The following COL4A5 variants were observed in gnomAD, a reference collection of about 807,000 sequenced individuals.
COL4A5 encodes collagen alpha-5(IV) chain.
In COL4A5, 26 loss-of-function variants were observed where a neutral mutation model predicts 130.2. That is an observed-to-expected ratio of 0.20 (90% CI 0.15 to 0.28). The LOEUF (loss-of-function observed/expected upper bound fraction) is 0.28, where lower values mean the gene tolerates loss of function less well. Among genes scored for constraint, COL4A5 ranks in the 10% least tolerant of loss-of-function variants. The pLI, the probability that COL4A5 is intolerant of heterozygous loss-of-function variation, is 1.00. For missense variants in COL4A5, 1,131 were observed against 1,344.3 expected (o/e 0.84, Z 2.48); for synonymous variants, 496 against 439.6 (o/e 1.13, Z -1.60).
At chrX:108,680,414 G>T (rs768652297) in intron 44 of COL4A5, among the ~76,000 whole-genome samples, 1 of 111,421 alleles carries the variant, frequency 9.0e-6, no homozygotes, top group Non-Finnish European at 1.9e-5. Context: ...TTAACAATAT[G>T]AACTGTCTCA....
intron 1 of COL4A5, among the ~76,000 whole-genome samples, chrX:108,525,610 T>G (rs924029850): frequency 8.9e-6 from 1 of 111,813 alleles, no homozygotes; most frequent in Non-Finnish European, 1.9e-5. Flanking sequence ...AAGTGAATAT[T>G]TTCTAGTTTA....
At chrX:108,559,897 C>T in intron 3 of COL4A5, among the ~76,000 whole-genome samples, 1 of 111,576 alleles carries the variant, frequency 9.0e-6, no homozygotes. Flanking sequence ...AGCTGTGCAC[C>T]AAGTTTGCTG....
Position 108,578,337 on chromosome X carries a change from G to A in COL4A5, c.734G>A (p.Ser245Asn). The stretch of plus-strand genomic sequence containing the variant: ...CCACCTGGGCCACCTGGGCAGATCA[G>A]TGAACAGAAAAGACCAATTGATGTA... ...QGPPGPPGQI[S>N]EQKRPIDVEF... The change falls in exon 13 of 53, where the codon AGT (serine) becomes AAT (asparagine). Residue 245 changes from serine to asparagine, a missense_variant. Transcript: ENST00000328300. 7.4e-6 allele frequency: 9 copies of A among 1,211,035 alleles called. No individual in the cohort carries two copies. Among genetic ancestry groups the A allele is most frequent in the Non-Finnish European group, 1.0e-5 (9 of 894,861 alleles).
rs952872193 is a variant in COL4A5 at position 108,617,360 on chromosome X, G to A, written c.2509+2336G>A. Among the ~76,000 whole-genome samples, 4 of 111,132 alleles carry A rather than the reference G, an allele frequency of 3.6e-5. No individual in the cohort carries two copies. In the East Asian group the frequency reaches 8.4e-4, roughly 23 times the overall value. On this transcript the variant is annotated intron_variant, in intron 30 of 52. Coordinates refer to ENST00000328300, the MANE Select transcript of COL4A5 (RefSeq NM_033380.3). The stretch of plus-strand genomic sequence containing the variant: ...TTAATATACTTGTATTTCATTTTGC[G>A]ATAGGAAAAATGCAAAATATTCTAT...
chrX:108,489,440 G>A (rs746444784), intron 1 of COL4A5, among the ~76,000 whole-genome samples: 1 of 111,922 alleles, frequency 8.9e-6, no homozygotes, highest in Admixed American at 9.5e-5. Context: ...CTGGTCTGGA[G>A]CTTTGCATAT....
intron 1 of COL4A5, among the ~76,000 whole-genome samples, chrX:108,470,684 A>G (rs1000710284): frequency 1.8e-5 from 2 of 111,476 alleles, no homozygotes; most frequent in African/African-American, 6.5e-5. Context: ...TTTTGTTGCC[A>G]TTGCGTTTGG....
intron 36 of COL4A5, among the ~76,000 whole-genome samples, chrX:108,634,499 A>T (rs971304693): frequency 4.5e-5 from 5 of 111,693 alleles, no homozygotes; most frequent in African/African-American, 1.6e-4. Flanking sequence ...TATAAAGGTT[A>T]ACATGCTGGA....
chrX:108,695,850 G>T (rs1300689114), intron 52 of COL4A5: 1 of 232,392 alleles, frequency 4.3e-6, no homozygotes, highest in Non-Finnish European at 7.7e-6. Context: ...CAAGACATAC[G>T]TAATGTATGT....
chrX:108,531,385 T>TAAATAA lies in COL4A5; in HGVS notation c.82-8358_82-8357insTAAAAA, dbSNP rs1415349416. Among the ~76,000 whole-genome samples the TAAATAA allele has an allele frequency of 2.3e-3, 176 of 75,573 alleles. 1 individual carries two copies. Among genetic ancestry groups the TAAATAA allele is most frequent in the African/African-American group, 7.7e-3 (157 of 20,494 alleles). The allele number at this position is 75,573 out of a possible 115,157, so 65.6% of individuals were successfully genotyped here. A position where few individuals can be genotyped will look rare whatever the true frequency, so the allele number is the denominator to read the frequency against. ...AATAATGAAATAAATAAATAAAAAA[T>TAAATAA]AAAATAAATAAATAAATAAAAATTT... is the stretch of plus-strand genomic sequence containing the variant. On this transcript the variant is annotated intron_variant, in intron 1 of 52. Transcript: ENST00000328300.
chrX:108,446,040 G>A, intron 1 of COL4A5, among the ~76,000 whole-genome samples: 1 of 111,173 alleles, frequency 9.0e-6, no homozygotes, highest in Middle Eastern at 4.6e-3. Flanking sequence ...TGTGAATCAC[G>A]AAACTCTAAG....
At chrX:108,520,457 C>T (rs1319473611) in intron 1 of COL4A5, among the ~76,000 whole-genome samples, 1 of 111,519 alleles carries the variant, frequency 9.0e-6, no homozygotes, top group Non-Finnish European at 1.9e-5. Context: ...AGTTTATTTT[C>T]TTTACATGTT....
chrX:108,547,825 A>T lies in COL4A5; in HGVS notation c.141+8020A>T, dbSNP rs778034656. On this transcript the variant is annotated intron_variant, in intron 2 of 52. Coordinates refer to ENST00000328300, the MANE Select transcript of COL4A5 (RefSeq NM_033380.3). Reference sequence around the variant, plus strand: ...CAGCAATGGCAGACGCCCCTCCCCCAGCCTTGCTGCCACCTTGCAGTTCGA... The same window carrying T: ...CAGCAATGGCAGACGCCCCTCCCCCTGCCTTGCTGCCACCTTGCAGTTCGA... Among the ~76,000 whole-genome samples, 12 of 111,557 alleles carry T rather than the reference A, an allele frequency of 1.1e-4. No homozygotes were observed. In the East Asian group the frequency reaches 3.1e-3, roughly 29 times the overall value.
In COL4A5 at chrX:108,532,259, G is replaced by T. The variant is rs148519713; in HGVS notation, c.82-7487G>T. Among the ~76,000 whole-genome samples the T allele has an allele frequency of 8.7e-3, 974 of 111,504 alleles. 9 individuals carry two copies. Among genetic ancestry groups the T allele is most frequent in the South Asian group, 0.015 (39 of 2,681 alleles). On this transcript the variant is annotated intron_variant, in intron 1 of 52. Coordinates refer to ENST00000328300, the MANE Select transcript of COL4A5 (RefSeq NM_033380.3). ...ACACATGGGTCCATTGGGATTGAAGGCAAGGAAGGCACAACCTTTGCAAAT... is the reference window on the plus strand; with the variant it reads ...ACACATGGGTCCATTGGGATTGAAGTCAAGGAAGGCACAACCTTTGCAAAT...
intron 29 of COL4A5, among the ~76,000 whole-genome samples, chrX:108,610,918 A>G (rs758791877): frequency 8.9e-6 from 1 of 111,833 alleles, no homozygotes; most frequent in South Asian, 3.8e-4. Flanking sequence ...CTGATCTTGA[A>G]GATCTCAAGG....
intron 21 of COL4A5, among the ~76,000 whole-genome samples, chrX:108,592,534 GT>G (rs1244216929): frequency 9.1e-6 from 1 of 110,372 alleles, no homozygotes; most frequent in African/African-American, 3.3e-5. Flanking sequence ...CTCTCCTCTT[GT>G]TTTCTCTTAA....
At chrX:108,649,353 C>T (rs28810506) in intron 36 of COL4A5, among the ~76,000 whole-genome samples, 1,737 of 110,917 alleles carry the variant, frequency 0.016, 13 homozygotes, top group Non-Finnish European at 0.025. Flanking sequence ...ACAAATTTGA[C>T]ACAATCCCCA....
intron 6 of COL4A5, among the ~76,000 whole-genome samples, chrX:108,570,621 T>C (rs762836699): frequency 1.8e-5 from 2 of 112,311 alleles, no homozygotes; most frequent in Non-Finnish European, 3.8e-5. Context: ...GTTTTTTTCT[T>C]TTTCTGTCTT....
intron 1 of COL4A5, 96 bp downstream of exon 1, chrX:108,440,302 C>T (rs2064377759): frequency 1.7e-6 from 1 of 584,799 alleles, no homozygotes; most frequent in Non-Finnish European, 2.8e-6. Flanking sequence ...TTCCTTTTGG[C>T]GTTGACTAGG....
At chrX:108,546,901 T>C (rs28828110) in intron 2 of COL4A5, among the ~76,000 whole-genome samples, 42,851 of 111,077 alleles carry the variant, frequency 0.39, 7,771 homozygotes, top group East Asian at 0.72. Flanking sequence ...TTGATCGAAT[T>C]GGCTACTGAA....
Sources: allele counts gnomAD v4.1 joint callset (sites outside exome capture counted in the v4.1 genomes callset), GRCh38; gene constraint gnomAD v4.1.1; transcripts MANE v1.5; gene names NCBI Gene and HGNC (gene_info 2026-07-23, HGNC 2026-07-21).